WWOX: variants seen among roughly 807,000 people sequenced by gnomAD.
WWOX encodes WW domain-containing oxidoreductase.
WWOX carries 69 observed loss-of-function variants against 46.2 expected under a neutral mutation model. The ratio of observed to expected loss-of-function variants is 1.49; its 90% confidence interval spans 1.23 to 1.82. The LOEUF (loss-of-function observed/expected upper bound fraction) is 1.82, where lower values mean the gene tolerates loss of function less well. WWOX is among the 40% of genes most tolerant of loss of function. The pLI is 0.00. For missense variants in WWOX, 919 were observed against 542.6 expected (o/e 1.69, Z -6.89); for synonymous variants, 359 against 202.6 (o/e 1.77, Z -6.56).
chr16:78,706,981 G>C (rs948321248), intron 8 of WWOX, among the ~76,000 whole-genome samples: 4 of 152,138 alleles, frequency 2.6e-5, no homozygotes, highest in African/African-American at 4.8e-5. Flanking sequence ...CTTTGGAAGT[G>C]AATCAGTCAG....
chr16:78,366,834 C>A (rs542908030), intron 5 of WWOX, among the ~76,000 whole-genome samples: 1 of 152,138 alleles, frequency 6.6e-6, no homozygotes, highest in African/African-American at 2.4e-5. Context: ...TTAGTATTTT[C>A]TTTCTACACA....
chr16:78,422,342 C>A (rs181473719), intron 6 of WWOX, among the ~76,000 whole-genome samples: 9 of 150,436 alleles, frequency 6.0e-5, no homozygotes, highest in Non-Finnish European at 1.3e-4. Context: ...TCTTAGGCTG[C>A]GATGTGAAAA....
chr16:78,518,839 T>A (rs556221561), intron 8 of WWOX, among the ~76,000 whole-genome samples: 1 of 152,290 alleles, frequency 6.6e-6, no homozygotes, highest in African/African-American at 2.4e-5. Flanking sequence ...GTGATTTCAC[T>A]GTGCATAAAA....
chr16:79,150,736 G>T (rs1235009935), intron 8 of WWOX, among the ~76,000 whole-genome samples: 2 of 152,162 alleles, frequency 1.3e-5, no homozygotes, highest in African/African-American at 4.8e-5. Context: ...GGAACTCCTG[G>T]ACTCAAGTGA....
At chr16:79,169,093 C>T (rs942590347) in intron 8 of WWOX, among the ~76,000 whole-genome samples, 6 of 152,112 alleles carry the variant, frequency 3.9e-5, no homozygotes, top group Non-Finnish European at 8.8e-5. Flanking sequence ...AAACATGATC[C>T]CACTTAATCC....
intron 8 of WWOX, among the ~76,000 whole-genome samples, chr16:78,794,153 A>G (rs375513196): frequency 1.1e-4 from 16 of 152,234 alleles, no homozygotes; most frequent in African/African-American, 3.9e-4. Context: ...TGCCCTTATA[A>G]AAGTGACCCC....
At chr16:78,510,985 G>C (rs765914331) in intron 8 of WWOX, among the ~76,000 whole-genome samples, 1 of 152,202 alleles carries the variant, frequency 6.6e-6, no homozygotes, top group Non-Finnish European at 1.5e-5. Context: ...AAGATGACAT[G>C]TGCCTACCCC....
chr16:78,288,137 C>G (rs1226533541), intron 5 of WWOX, among the ~76,000 whole-genome samples: 1 of 151,862 alleles, frequency 6.6e-6, no homozygotes, highest in Non-Finnish European at 1.5e-5. Context: ...GTGGTCACCT[C>G]CAATTATAGA....
At chr16:79,138,634 C>G (rs1021519807) in intron 8 of WWOX, among the ~76,000 whole-genome samples, 2 of 152,142 alleles carry the variant, frequency 1.3e-5, no homozygotes, top group East Asian at 1.9e-4. Flanking sequence ...CCTTTTTAAC[C>G]CAACACTTAG....
Position 78,842,755 on chromosome 16 carries a change from G to GTAGGGAT in WWOX, c.1057-368853_1057-368852insTAGGGAT, listed in dbSNP as rs1555548257. Reference sequence around the variant, plus strand: ...TAGCCGCAGCTACTCAGGAGGCTGAGGCAGTAGATTCATTTGAGCCCAGGA... The same window carrying GTAGGGAT: ...TAGCCGCAGCTACTCAGGAGGCTGAGTAGGGATGCAGTAGATTCATTTGAGCCCAGGA... On this transcript the variant is annotated intron_variant, in intron 8 of 8. Coordinates refer to ENST00000566780, the MANE Select transcript of WWOX (RefSeq NM_016373.4). Among the ~76,000 whole-genome samples, 334 of 151,210 alleles carry GTAGGGAT rather than the reference G, an allele frequency of 2.2e-3. 23 individuals carry two copies. Among genetic ancestry groups the GTAGGGAT allele is most frequent in the South Asian group, 3.2e-3 (15 of 4,736 alleles).
intron 8 of WWOX, among the ~76,000 whole-genome samples, chr16:79,116,622 C>G (rs2049520859): frequency 6.6e-6 from 1 of 152,202 alleles, no homozygotes; most frequent in Non-Finnish European, 1.5e-5. Context: ...CTCGAGTTCT[C>G]TTGCTATTTC....
rs1186165475 is a variant in WWOX, at chr16:78,843,302, T to A, written c.1057-368306T>A. 4.0e-5 allele frequency among the ~76,000 whole-genome samples: 6 copies of A among 150,170 alleles called. 1 individual carries two copies. The highest frequency in any genetic ancestry group is 1.5e-4 in the African/African-American group (6 of 41,308). On this transcript the variant is annotated intron_variant, in intron 8 of 8. Transcript: ENST00000566780. ...TTTTCTATTTCTCCACCTGCAAAAT[T>A]CTTACTTTTTGGGCTGGTAAAGCCA... is the stretch of plus-strand genomic sequence containing the variant.
intron 8 of WWOX, among the ~76,000 whole-genome samples, chr16:79,118,282 G>T (rs1340408017): frequency 6.6e-6 from 1 of 152,226 alleles, no homozygotes; most frequent in East Asian, 1.9e-4. Context: ...GGTTGCTGGA[G>T]CCAGTGTGGT....
At chr16:78,151,496 C>T (rs1221903067) in intron 4 of WWOX, among the ~76,000 whole-genome samples, 4 of 152,104 alleles carry the variant, frequency 2.6e-5, no homozygotes, top group African/African-American at 7.2e-5. Context: ...AAGCACATGG[C>T]GTGGTACCCA....
At chr16:78,599,230 C>G (rs2045564916) in intron 8 of WWOX, among the ~76,000 whole-genome samples, 3 of 152,202 alleles carry the variant, frequency 2.0e-5, no homozygotes, top group African/African-American at 4.8e-5. Context: ...GCACATTTTC[C>G]TTTTGAGAAA....
intron 5 of WWOX, among the ~76,000 whole-genome samples, chr16:78,373,802 T>G (rs1320001806): frequency 2.0e-5 from 3 of 152,192 alleles, no homozygotes; most frequent in South Asian, 2.1e-4. Flanking sequence ...TATATGTATA[T>G]TTTTTGAGAC....
intron 8 of WWOX, among the ~76,000 whole-genome samples, chr16:78,633,002 C>G (rs1179784721): frequency 1.3e-5 from 2 of 152,150 alleles, no homozygotes; most frequent in Admixed American, 1.3e-4. Context: ...GTGGCTCATG[C>G]CTGTAATCCT....
At chr16:78,704,118 A>G (rs1265651502) in intron 8 of WWOX, among the ~76,000 whole-genome samples, 1 of 151,838 alleles carries the variant, frequency 6.6e-6, no homozygotes, top group Non-Finnish European at 1.5e-5. Flanking sequence ...GTCATGGTGG[A>G]AAGGGGCAGG....
intron 8 of WWOX, among the ~76,000 whole-genome samples, chr16:78,939,723 G>GA (rs1289810243): frequency 6.6e-6 from 1 of 152,208 alleles, no homozygotes; most frequent in Non-Finnish European, 1.5e-5. Context: ...AGTCTACTGG[G>GA]AAAAATCCCC....
Sources: gnomAD v4.1 joint callset for allele counts (sites outside exome capture counted in the v4.1 genomes callset) on GRCh38, gnomAD v4.1.1 for gene constraint, MANE v1.5 for transcripts, NCBI Gene and HGNC (gene_info 2026-07-23, HGNC 2026-07-21) for gene names.